NME9: variants seen among roughly 807,000 people sequenced by gnomAD.
The protein encoded by NME9 is NME/NM23 family member 9.
Under a neutral mutation model 44.4 loss-of-function variants are expected in NME9, and 48 were observed. The ratio of observed to expected loss-of-function variants is 1.08; its 90% CI spans 0.86 to 1.37. NME9 has a LOEUF of 1.37. NME9 is among the 40% of genes most tolerant of loss of function. The pLI, the probability that NME9 is intolerant of heterozygous loss-of-function variation, is 0.00. For synonymous variants in NME9, 139 were observed against 147.1 expected, an observed-to-expected ratio of 0.94 and a Z score of 0.40; for missense variants, 325 against 405.2, an observed-to-expected ratio of 0.80 and a Z score of 1.70.
chr3:138,325,512 G>T (rs565812017), intron 1 of NME9, among the ~76,000 whole-genome samples: 1 of 151,834 alleles, frequency 6.6e-6, no homozygotes, highest in Non-Finnish European at 1.5e-5. Flanking sequence ...AGGTTCAAGC[G>T]ATTCTTATGC....
intron 10 of NME9, 131 bp from the exon 11 acceptor site, chr3:138,301,835 C>A (rs6801411): frequency 4.6e-6 from 3 of 656,714 alleles, no homozygotes; most frequent in Non-Finnish European, 5.3e-6. Context: ...AGTCCTGATA[C>A]GTGTTAGGGA....
At chr3:138,315,089 G>C (rs1025943274) in intron 5 of NME9, among the ~76,000 whole-genome samples, 1 of 152,194 alleles carries the variant, frequency 6.6e-6, no homozygotes, top group Non-Finnish European at 1.5e-5. Context: ...GATAATGACA[G>C]ACCTTAATTT....
intron 8 of NME9, among the ~76,000 whole-genome samples, chr3:138,279,288 A>G (rs1197580974): frequency 6.6e-6 from 1 of 152,082 alleles, no homozygotes; most frequent in African/African-American, 2.4e-5. Flanking sequence ...TTTTCAATCA[A>G]TTACTTTCTT....
intron 2 of NME9, among the ~76,000 whole-genome samples, chr3:138,320,769 G>T (rs2053415330): frequency 6.6e-6 from 1 of 152,184 alleles, no homozygotes; most frequent in Non-Finnish European, 1.5e-5. Flanking sequence ...ACAGGTGGCA[G>T]ACTCAGGGAT....
At chr3:138,279,016 T>C (rs2049602478) in intron 8 of NME9, among the ~76,000 whole-genome samples, 1 of 152,200 alleles carries the variant, frequency 6.6e-6, no homozygotes, top group African/African-American at 2.4e-5. Context: ...CTATATGCTA[T>C]TTTGTTTTTC....
At chr3:138,278,984 G>C (rs2049595438) in intron 8 of NME9, among the ~76,000 whole-genome samples, 1 of 152,050 alleles carries the variant, frequency 6.6e-6, no homozygotes, top group Admixed American at 6.6e-5. Flanking sequence ...AATAAAAATA[G>C]CTTTATTTCT....
At chr3:138,271,234 A>C (rs912777675) in intron 8 of NME9, among the ~76,000 whole-genome samples, 2 of 152,164 alleles carry the variant, frequency 1.3e-5, no homozygotes, top group African/African-American at 2.4e-5. Flanking sequence ...CTCTTTCTTG[A>C]AACTCCTTCC....
chr3:138,322,229 A>T (rs1482312660), intron 2 of NME9, among the ~76,000 whole-genome samples: 1 of 152,168 alleles, frequency 6.6e-6, no homozygotes, highest in African/African-American at 2.4e-5. Flanking sequence ...GCTGGGGCTC[A>T]ATTAGCCTAA....
chr3:138,264,074 G>A, intron 8 of NME9: 3 of 1,503,094 alleles, frequency 2.0e-6, no homozygotes, highest in Non-Finnish European at 2.8e-6. Flanking sequence ...CAGCCAGTTT[G>A]TTTGAAAAGT....
chr3:138,307,041 C>T (rs1215033904), intron 6 of NME9, among the ~76,000 whole-genome samples: 2 of 152,206 alleles, frequency 1.3e-5, no homozygotes, highest in Non-Finnish European at 2.9e-5. Context: ...AAAATGGCTC[C>T]TCCAGGCCCT....
downstream of NME9, among the ~76,000 whole-genome samples, chr3:138,298,907 AAG>A (rs1416225976): frequency 6.6e-6 from 1 of 152,106 alleles, no homozygotes; most frequent in Admixed American, 6.5e-5. Flanking sequence ...GGTGGCTAGC[AAG>A]AGAGGGAATA....
chr3:138,263,526 C>CAGG (rs1163669634), intron 8 of NME9: 1 of 586,022 alleles, frequency 1.7e-6, no homozygotes, highest in Non-Finnish European at 3.1e-6. Context: ...CTGCCCCTTA[C>CAGG]GCCTGTCATT....
In NME9 at chr3:138,323,845, A is replaced by C. The variant is rs538461142; in HGVS notation, c.91+1028T>G. On this transcript the variant is annotated intron_variant, in intron 2 of 10. Coordinates refer to ENST00000333911, the MANE Select transcript of NME9 (RefSeq NM_001349018.2). ...CTACAGTGAATGAGAAAGAGAAGTAAAGAGTGGGTGACAGTAGGTGGTAGG... is the reference window on the plus strand; with the variant it reads ...CTACAGTGAATGAGAAAGAGAAGTACAGAGTGGGTGACAGTAGGTGGTAGG... Among the ~76,000 whole-genome samples the C allele has an allele frequency of 7.2e-5, 11 of 152,300 alleles. No homozygotes were observed. The South Asian group carries it at 2.1e-3, about 29-fold the overall frequency.
At chr3:138,271,582 A>G (rs1206438829) in intron 8 of NME9, among the ~76,000 whole-genome samples, 2 of 152,204 alleles carry the variant, frequency 1.3e-5, no homozygotes, top group African/African-American at 4.8e-5. Flanking sequence ...TCTTCATATT[A>G]CCAGCTGCTG....
intron 8 of NME9, among the ~76,000 whole-genome samples, chr3:138,278,628 G>A (rs1008479016): frequency 1.1e-4 from 17 of 151,964 alleles, no homozygotes. Flanking sequence ...CGATCGTATT[G>A]TATTTATAAA....
At chr3:138,296,106 G>T, downstream of NME9, 4 of 490,330 alleles carry the variant, frequency 8.2e-6, no homozygotes, top group East Asian at 3.5e-5. Flanking sequence ...GTTTTGTTTT[G>T]GTTTTTTTTT....
intron 2 of NME9, 104 bp downstream of exon 2, chr3:138,324,763 CAAGGTA>C: frequency 1.2e-6 from 1 of 817,286 alleles, no homozygotes; most frequent in Non-Finnish European, 2.1e-6. Flanking sequence ...TTATGAGGCT[CAAGGTA>C]ATAGGAAAGT....
At position 138,329,235 on chromosome 3, in the gene NME9, C is replaced by T. The variant is rs1391942415; in HGVS notation, c.33+68G>A. ...GAATGTCACTTTTATACTGCAACCCCGCTCTAATCACCCTCCTCTTCCCCG... is the reference window on the plus strand; with the variant it reads ...GAATGTCACTTTTATACTGCAACCCTGCTCTAATCACCCTCCTCTTCCCCG... On this transcript the variant is annotated intron_variant, in intron 1 of 10. Transcript: ENST00000333911. 8 of 1,362,638 alleles carry T rather than the reference C, an allele frequency of 5.9e-6. No homozygotes were observed. The East Asian group carries it at 2.0e-4, about 34-fold the overall frequency. The allele number at this position is 1,362,638 out of a possible 1,614,324, so 84.4% of individuals were successfully genotyped here.
At chr3:138,263,810 A>G in intron 8 of NME9, 1 of 1,613,958 alleles carries the variant, frequency 6.2e-7, no homozygotes. Context: ...AGGTGCGGTT[A>G]GCTGCCGTCA....
Sources: allele counts gnomAD v4.1 joint callset (sites outside exome capture counted in the v4.1 genomes callset), GRCh38; gene constraint gnomAD v4.1.1; transcripts MANE v1.5; gene names NCBI Gene and HGNC (gene_info 2026-07-23, HGNC 2026-07-21).